FNDC3B: variants seen among roughly 807,000 people sequenced by gnomAD.
FNDC3B encodes fibronectin type III domain-containing protein 3B.
A neutral mutation model predicts 151.5 loss-of-function variants in FNDC3B; 12 were observed. That is an observed-to-expected ratio of 0.08 (90% CI 0.05 to 0.13). FNDC3B has a LOEUF of 0.13. FNDC3B is among the 10% of genes least tolerant of loss of function. FNDC3B has a pLI of 1.00. For missense variants in FNDC3B, 1,214 were observed against 1,505.3 expected, an observed-to-expected ratio of 0.81 and a Z score of 3.20; for synonymous variants, 528 against 549.0, an observed-to-expected ratio of 0.96 and a Z score of 0.54.
chr3:172,327,403 G>T (rs1304849620), intron 11 of FNDC3B, among the ~76,000 whole-genome samples: 1 of 151,866 alleles, frequency 6.6e-6, no homozygotes, highest in Non-Finnish European at 1.5e-5. Context: ...TTTTTTGGGG[G>T]GCGGGGCGGG....
chr3:172,162,434 C>T (rs1012025379), intron 3 of FNDC3B, among the ~76,000 whole-genome samples: 3 of 151,912 alleles, frequency 2.0e-5, no homozygotes, highest in Admixed American at 6.6e-5. Flanking sequence ...CTATTAATAC[C>T]GTGGCTATGA....
chr3:172,278,667 C>A (rs1560053684), intron 6 of FNDC3B, among the ~76,000 whole-genome samples: 2 of 152,208 alleles, frequency 1.3e-5, no homozygotes, highest in Non-Finnish European at 2.9e-5. Context: ...TGGCTCACGC[C>A]TGTAATCCCA....
chr3:172,376,792 G>C (rs1049805569), intron 23 of FNDC3B, among the ~76,000 whole-genome samples: 32 of 151,270 alleles, frequency 2.1e-4, no homozygotes, highest in Non-Finnish European at 3.8e-4. Flanking sequence ...GATTGCAGAG[G>C]CTGATGAATA....
intron 25 of FNDC3B, among the ~76,000 whole-genome samples, chr3:172,395,872 C>T (rs1298730774): frequency 6.6e-6 from 1 of 152,142 alleles, no homozygotes; most frequent in Non-Finnish European, 1.5e-5. Flanking sequence ...AGTCGTGGTA[C>T]CATTCGCACC....
chr3:172,362,428 AT>A (rs11333442), intron 22 of FNDC3B, among the ~76,000 whole-genome samples: 65,061 of 150,734 alleles, frequency 0.43, 14,479 homozygotes, highest in East Asian at 0.73. Context: ...CTTTTTTGCT[AT>A]TTTTTTTTTA....
chr3:172,374,265 C>A (rs941404701), intron 23 of FNDC3B, among the ~76,000 whole-genome samples: 4 of 152,176 alleles, frequency 2.6e-5, no homozygotes, highest in African/African-American at 9.7e-5. Flanking sequence ...CAGTGATGTC[C>A]GTGGTCTCTC....
At chr3:172,281,189 A>C (rs73031305) in intron 6 of FNDC3B, among the ~76,000 whole-genome samples, 14,550 of 150,538 alleles carry the variant, frequency 0.097, 786 homozygotes, top group African/African-American at 0.14. Context: ...GAAACACTAT[A>C]CAAGAGTGCC....
chr3:172,155,124 T>C (rs954155415), intron 3 of FNDC3B, among the ~76,000 whole-genome samples: 1 of 152,096 alleles, frequency 6.6e-6, no homozygotes, highest in African/African-American at 2.4e-5. Flanking sequence ...ATATGGAAAA[T>C]TACCAAGAGA....
At chr3:172,333,482 C>T (rs540001641) in intron 14 of FNDC3B, among the ~76,000 whole-genome samples, 5 of 143,234 alleles carry the variant, frequency 3.5e-5, no homozygotes, top group East Asian at 2.1e-4. Context: ...CCACTATGCC[C>T]GGCTAATTTT....
intron 23 of FNDC3B, among the ~76,000 whole-genome samples, chr3:172,364,353 T>C (rs1280960341): frequency 6.6e-6 from 1 of 152,222 alleles, no homozygotes; most frequent in East Asian, 1.9e-4. Context: ...CCATTGGTGG[T>C]AAATCCTTAG....
At chr3:172,120,346 A>G (rs1720471014) in intron 2 of FNDC3B, among the ~76,000 whole-genome samples, 1 of 152,188 alleles carries the variant, frequency 6.6e-6, no homozygotes, top group African/African-American at 2.4e-5. Context: ...GGTGATTTTA[A>G]CATTATGATT....
chr3:172,388,744 G>A (rs1003630052), intron 25 of FNDC3B, among the ~76,000 whole-genome samples: 1 of 152,186 alleles, frequency 6.6e-6, no homozygotes, highest in Non-Finnish European at 1.5e-5. Context: ...CTCCCCTTCC[G>A]TTGATTTCTG....
intron 3 of FNDC3B, among the ~76,000 whole-genome samples, chr3:172,154,129 C>T (rs1722365507): frequency 6.6e-6 from 1 of 152,170 alleles, no homozygotes; most frequent in Non-Finnish European, 1.5e-5. Context: ...CTCCTTGTTA[C>T]TGTCTTCTAA....
intron 8 of FNDC3B, among the ~76,000 whole-genome samples, chr3:172,298,131 G>A (rs912334864): frequency 1.3e-5 from 2 of 152,164 alleles, no homozygotes; most frequent in East Asian, 3.8e-4. Context: ...TAAGTCACAT[G>A]CACACACACC....
chr3:172,348,400 T>G (rs1733705496), intron 21 of FNDC3B, among the ~76,000 whole-genome samples: 2 of 152,252 alleles, frequency 1.3e-5, no homozygotes, highest in South Asian at 4.1e-4. Flanking sequence ...TTATACACCT[T>G]TCTTGCTTCT....
intron 3 of FNDC3B, among the ~76,000 whole-genome samples, chr3:172,143,729 T>G (rs1160023632): frequency 1.3e-5 from 2 of 151,856 alleles, no homozygotes; most frequent in African/African-American, 4.8e-5. Context: ...GCCAACATGG[T>G]GAAACCTTGT....
At chr3:172,392,810 C>CTTTTTTTTTTTTT (rs1167627679) in intron 25 of FNDC3B, among the ~76,000 whole-genome samples, 16 of 99,874 alleles carry the variant, frequency 1.6e-4, no homozygotes, top group East Asian at 5.0e-4. Context: ...TTTTTTTTTT[C>CTTTTTTTTTTTTT]TTTTTTTTTT....
intron 23 of FNDC3B, among the ~76,000 whole-genome samples, chr3:172,363,184 GA>G (rs1734448021): frequency 6.6e-6 from 1 of 152,214 alleles, no homozygotes; most frequent in Admixed American, 6.5e-5. Context: ...AGTGCAGAGG[GA>G]AATAAGACCC....
In FNDC3B at chr3:172,123,748, G is replaced by C. The variant is rs1181240691; in HGVS notation, c.112-9723G>C. Among the ~76,000 whole-genome samples the C allele has an allele frequency of 3.3e-5, 5 of 152,182 alleles. No individual in the cohort carries two copies. The East Asian group carries it at 9.6e-4, about 29-fold the overall frequency. Reference sequence around the variant, plus strand: ...ACATGGAAAACATCTATATAGAATGGCTATTTCTTTATAATTTACTTGATG... The same window carrying C: ...ACATGGAAAACATCTATATAGAATGCCTATTTCTTTATAATTTACTTGATG... On this transcript the variant is annotated intron_variant, in intron 2 of 25. Coordinates refer to ENST00000415807, the MANE Select transcript of FNDC3B (RefSeq NM_022763.4).
Sources: allele counts gnomAD v4.1 joint callset (sites outside exome capture counted in the v4.1 genomes callset), GRCh38; gene constraint gnomAD v4.1.1; transcripts MANE v1.5; gene names NCBI Gene and HGNC (gene_info 2026-07-23, HGNC 2026-07-21).